Variants in BAG3 observed in about 807,000 individuals in gnomAD.
BAG3 encodes BAG cochaperone 3, also known as BAG family molecular chaperone regulator 3.
BAG3 carries 14 observed loss-of-function variants against 40.5 expected under a neutral mutation model. The observed-to-expected ratio is 0.35, with a 90% CI of 0.23 to 0.54. The LOEUF (loss-of-function observed/expected upper bound fraction) is 0.54. Among genes scored for constraint, BAG3 ranks in the 20% least tolerant of loss-of-function variants. The probability of loss-of-function intolerance (pLI) is 0.91; values close to 1 mark genes in which losing one functional copy is unlikely to be tolerated. For synonymous variants in BAG3, 302 were observed against 307.8 expected (o/e 0.98, Z 0.20); for missense variants, 788 against 758.6 (o/e 1.04, Z -0.46).
rs140672627 is a variant in BAG3, at chr10:119,670,061, C to G, written c.391C>G (p.Pro131Ala). The change falls in exon 2 of 4, where the codon CCT becomes GCT. Residue 131 changes from proline (P) to alanine (A), a missense_variant. Transcript: ENST00000369085. ...CCGAACTGAGGCGGCAGCAGCGGCTCCTCAGAGGTCCCAGTCACCTCTGCG... is the reference window on the plus strand; with the variant it reads ...CCGAACTGAGGCGGCAGCAGCGGCTGCTCAGAGGTCCCAGTCACCTCTGCG... ...RFRTEAAAAA[P>A]QRSQSPLRGM... 4 of 1,614,228 alleles carry G rather than the reference C, an allele frequency of 2.5e-6. No homozygotes were observed. Among genetic ancestry groups the G allele is most frequent in the Non-Finnish European group, 3.4e-6 (4 of 1,180,046 alleles).
At position 119,677,590 on chromosome 10, in the gene BAG3, G is replaced by A. The variant is rs1441503679; in HGVS notation, c.*308G>A. 2 of 450,702 alleles carry A rather than the reference G, an allele frequency of 4.4e-6. No individual in the cohort carries two copies. Among genetic ancestry groups the A allele is most frequent in the Non-Finnish European group, 8.1e-6 (2 of 246,256 alleles). The allele number at this position is 450,702 out of a possible 1,614,324, so 27.9% of individuals were successfully genotyped here. A position where few individuals can be genotyped will look rare whatever the true frequency, so the allele number is the denominator to read the frequency against. ...TAGCTGTGGTTGTGCACTGTCTTTT[G>A]TAGCTCTGGACTGGAGGGGTAGATG... On this transcript the variant is annotated 3_prime_UTR_variant, in exon 4 of 4. Coordinates refer to ENST00000369085, the MANE Select transcript of BAG3 (RefSeq NM_004281.4).
intron 2 of BAG3, among the ~76,000 whole-genome samples, chr10:119,670,618 A>T (rs1847137572): frequency 1.3e-5 from 2 of 152,208 alleles, no homozygotes; most frequent in African/African-American, 4.8e-5. Context: ...GCTTATGGAT[A>T]AATCTTAACC....
chr10:119,675,485 G>T (rs1395601781), intron 3 of BAG3, among the ~76,000 whole-genome samples: 1 of 152,172 alleles, frequency 6.6e-6, no homozygotes, highest in Admixed American at 6.5e-5. Flanking sequence ...TAACCATTTA[G>T]AGCATCTTGG....
chr10:119,662,320 C>T (rs926701784), intron 1 of BAG3, among the ~76,000 whole-genome samples: 3 of 150,644 alleles, frequency 2.0e-5, no homozygotes, highest in Non-Finnish European at 4.4e-5. Flanking sequence ...CCGCCCGCCT[C>T]GGCCTCCCAA....
chr10:119,662,624 G>A (rs959510131), intron 1 of BAG3, among the ~76,000 whole-genome samples: 2 of 152,102 alleles, frequency 1.3e-5, no homozygotes, highest in East Asian at 1.9e-4. Flanking sequence ...GAAGTGCTAC[G>A]AGACAGCCCT....
At chr10:119,666,767 G>A (rs1016584193) in intron 1 of BAG3, among the ~76,000 whole-genome samples, 14 of 152,202 alleles carry the variant, frequency 9.2e-5, no homozygotes, top group African/African-American at 3.4e-4. Flanking sequence ...AAACCAGAGA[G>A]TGTGGGTGGG....
rs1378637881 is a variant in BAG3, at chr10:119,677,551, C to G, written c.*269C>G. On this transcript the variant is annotated 3_prime_UTR_variant, in exon 4 of 4. Coordinates refer to ENST00000369085, the MANE Select transcript of BAG3 (RefSeq NM_004281.4). ...TTCTGCAGCCCTGTCTACTTGGGCA[C>G]CCCCACCACCTGTTAGCTGTGGTTG... is the stretch of plus-strand genomic sequence containing the variant. The G allele has an allele frequency of 3.7e-6, 2 of 534,320 alleles. No individual in the cohort carries two copies. The highest frequency in any genetic ancestry group is 3.8e-5 in the African/African-American group (2 of 52,380). 33.1% of individuals were successfully genotyped at this position (534,320 alleles called of 1,614,324 possible).
chr10:119,670,009 C>A lies in BAG3; in HGVS notation c.339C>A (p.Val113=), dbSNP rs367861849. 1.9e-6 allele frequency: 3 copies of A among 1,614,144 alleles called. No individual in the cohort carries two copies. In the African/African-American group the frequency reaches 4.0e-5, roughly 22 times the overall value. ...AENRQVHPFH[V]YPQPGMQRFR... The stretch of plus-strand genomic sequence containing the variant: ...ACCGGCAGGTGCACCCTTTCCATGT[C>A]TATCCCCAGCCTGGGATGCAGCGAT... The change falls in exon 2 of 4, where the codon GTC becomes GTA. Residue 113 remains valine (V), a synonymous_variant. Coordinates refer to ENST00000369085, the MANE Select transcript of BAG3 (RefSeq NM_004281.4).
chr10:119,659,099 C>G (rs1371039521), intron 1 of BAG3, among the ~76,000 whole-genome samples: 1 of 152,176 alleles, frequency 6.6e-6, no homozygotes, highest in Non-Finnish European at 1.5e-5. Flanking sequence ...TGGAGCCCTC[C>G]CTGGGGCTTC....
chr10:119,676,395 A>T lies in BAG3; in HGVS notation c.910-69A>T, dbSNP rs111717588. The T allele has an allele frequency of 9.1e-6, 14 of 1,532,640 alleles. No homozygotes were observed. In the South Asian group the frequency reaches 1.5e-4, roughly 16 times the overall value. The allele number at this position is 1,532,640 out of a possible 1,614,324, so 94.9% of individuals were successfully genotyped here. On this transcript the variant is annotated intron_variant, in intron 3 of 3. Coordinates refer to ENST00000369085, the MANE Select transcript of BAG3 (RefSeq NM_004281.4). ...TTTCTCAGTTTTCTTTCTAATCTGTACTAGCTACAAACAATTTCTGTGACT... is the reference window on the plus strand; with the variant it reads ...TTTCTCAGTTTTCTTTCTAATCTGTTCTAGCTACAAACAATTTCTGTGACT...
chr10:119,652,583 A>G (rs1250449264), intron 1 of BAG3, among the ~76,000 whole-genome samples: 1 of 152,220 alleles, frequency 6.6e-6, no homozygotes, highest in Non-Finnish European at 1.5e-5. Flanking sequence ...GATCTAGACT[A>G]GAGATCTGAG....
intron 1 of BAG3, among the ~76,000 whole-genome samples, chr10:119,655,640 C>G (rs1846900018): frequency 6.6e-6 from 1 of 152,120 alleles, no homozygotes; most frequent in African/African-American, 2.4e-5. Context: ...CTTCGTATTT[C>G]CAGCAAGTTG....
intron 1 of BAG3, among the ~76,000 whole-genome samples, chr10:119,660,326 G>A (rs1348900386): frequency 1.3e-5 from 2 of 152,220 alleles, no homozygotes; most frequent in Non-Finnish European, 2.9e-5. Context: ...TGCAGAGCAG[G>A]CCTCTTCCCC....
intron 3 of BAG3, among the ~76,000 whole-genome samples, chr10:119,674,814 CAAAAA>C (rs1002205716): frequency 6.9e-6 from 1 of 144,388 alleles, no homozygotes; most frequent in South Asian, 2.2e-4. Context: ...ACTAAAAATA[CAAAAA>C]AAAAAGTTAA....
intron 1 of BAG3, among the ~76,000 whole-genome samples, chr10:119,666,264 T>G (rs1258410994): frequency 6.6e-6 from 1 of 152,062 alleles, no homozygotes; most frequent in Non-Finnish European, 1.5e-5. Flanking sequence ...AGCCCCCACT[T>G]CCAGCCTGGC....
At chr10:119,653,082 C>G (rs1315184756) in intron 1 of BAG3, among the ~76,000 whole-genome samples, 1 of 152,172 alleles carries the variant, frequency 6.6e-6, no homozygotes, top group African/African-American at 2.4e-5. Context: ...GAAGAAAGAC[C>G]TGTATTATTT....
In BAG3 at chr10:119,677,314, G is replaced by A. The variant is rs773925708; in HGVS notation, c.*32G>A. The stretch of plus-strand genomic sequence containing the variant: ...CCCTGTAAAAATCAGACTCGGAACC[G>A]ATGTGTGCTTTAGGGAATTTTAAGT... On this transcript the variant is annotated 3_prime_UTR_variant, in exon 4 of 4. Transcript: ENST00000369085. The A allele has an allele frequency of 1.3e-5, 21 of 1,611,876 alleles. No homozygotes were observed. Among genetic ancestry groups the A allele is most frequent in the South Asian group, 2.2e-5 (2 of 90,986 alleles).
intron 1 of BAG3, among the ~76,000 whole-genome samples, chr10:119,667,715 G>A (rs1172908228): frequency 2.6e-5 from 4 of 152,172 alleles, no homozygotes; most frequent in Non-Finnish European, 4.4e-5. Flanking sequence ...ACTCCTCAGC[G>A]GGTGGCAGGA....
In BAG3 at chr10:119,677,022, A is replaced by G. The variant is rs753370524; in HGVS notation, c.1468A>G (p.Ile490Val). Reference protein sequence around the residue: ...RRDGVRKVQTILEKLEQKAID... With the variant: ...RRDGVRKVQTVLEKLEQKAID... ...AGACGGTGTCAGGAAGGTTCAGACC[A>G]TCTTGGAAAAACTTGAACAGAAAGC... Residue 490 changes from isoleucine (I) to valine (V), a missense_variant, in exon 4 of 4, where the codon ATC (isoleucine) becomes GTC (valine). Ile to Val is a conservative substitution (Grantham distance 29). Transcript: ENST00000369085. 2 of 1,614,210 alleles carry G rather than the reference A, an allele frequency of 1.2e-6. No individual in the cohort carries two copies. Among genetic ancestry groups the G allele is most frequent in the East Asian group, 2.2e-5 (1 of 44,892 alleles).
Sources: allele counts gnomAD v4.1 joint callset (sites outside exome capture counted in the v4.1 genomes callset), GRCh38; gene constraint gnomAD v4.1.1; transcripts MANE v1.5; gene names NCBI Gene and HGNC (gene_info 2026-07-23, HGNC 2026-07-21).